Variants in NINL observed in about 807,000 individuals in gnomAD.
NINL encodes the protein ninein like, also known as ninein-like protein.
NINL carries 153 observed loss-of-function variants against 160.3 expected under a neutral mutation model. The ratio of observed to expected loss-of-function variants is 0.95; its 90% CI spans 0.84 to 1.09. The LOEUF (loss-of-function observed/expected upper bound fraction) is 1.09. NINL is among the 50% of genes least tolerant of loss of function. The pLI, the probability that NINL is intolerant of heterozygous loss-of-function variation, is 0.00. For synonymous variants in NINL, 800 were observed against 734.8 expected (o/e 1.09, Z -1.43); for missense variants, 1,829 against 1,764.0 (o/e 1.04, Z -0.66).
intron 1 of NINL, among the ~76,000 whole-genome samples, chr20:25,535,441 A>G (rs2147017216): frequency 6.6e-6 from 1 of 152,334 alleles, no homozygotes; most frequent in East Asian, 1.9e-4. Flanking sequence ...ATGTGAGGGG[A>G]CAGATATGTT....
chr20:25,461,371 G>A (rs935072489), intron 21 of NINL, 151 bp downstream of exon 21: 6 of 543,218 alleles, frequency 1.1e-5, no homozygotes, highest in South Asian at 5.3e-5. Flanking sequence ...GAGCAGCTTC[G>A]GTCCTGGCCC....
At chr20:25,470,129 T>A in intron 17 of NINL, 34 bp from the exon 18 acceptor site, 1 of 1,559,338 alleles carries the variant, frequency 6.4e-7, no homozygotes, top group Non-Finnish European at 8.8e-7. Context: ...CGGTGAGCAC[T>A]TGGGGAGCCA....
chr20:25,545,992 T>TA (rs1010323167), intron 1 of NINL, among the ~76,000 whole-genome samples: 31 of 151,456 alleles, frequency 2.0e-4, no homozygotes, highest in African/African-American at 3.1e-4. Flanking sequence ...GTTTTTATTT[T>TA]TTTTTTTGAG....
chr20:25,557,585 G>A (rs1306315823), intron 1 of NINL, among the ~76,000 whole-genome samples: 2 of 151,430 alleles, frequency 1.3e-5, no homozygotes, highest in African/African-American at 4.9e-5. Context: ...AAAGATAGAA[G>A]GACTTTTTAT....
At chr20:25,468,100 T>C (rs1210683815) in intron 18 of NINL, among the ~76,000 whole-genome samples, 1 of 152,126 alleles carries the variant, frequency 6.6e-6, no homozygotes, top group Non-Finnish European at 1.5e-5. Context: ...ACAATTGTCC[T>C]TGGATATGGC....
chr20:25,481,692 G>A, intron 14 of NINL: 2 of 467,872 alleles, frequency 4.3e-6, no homozygotes, highest in South Asian at 3.9e-5. Context: ...CCGTGTCACT[G>A]AAACAGCTCT....
chr20:25,554,277 AAGAC>A (rs1479656314), intron 1 of NINL, among the ~76,000 whole-genome samples: 1 of 152,206 alleles, frequency 6.6e-6, no homozygotes, highest in Non-Finnish European at 1.5e-5. Context: ...CCAAGGCCCA[AAGAC>A]AGACAGAAGG....
Position 25,489,976 on chromosome 20 carries a change from G to T in NINL, c.1495C>A (p.Arg499Ser), listed in dbSNP as rs777357154. Residue 499 changes from arginine (R) to serine (S), a missense_variant, in exon 12 of 24, where the codon CGC (arginine) becomes AGC (serine). Coordinates refer to ENST00000278886, the MANE Select transcript of NINL (RefSeq NM_025176.6). Reference protein sequence around the residue: ...KLTLALKENSRLQKEIVEVVE... With the variant: ...KLTLALKENSSLQKEIVEVVE... ...ACTTCCACAATCTCCTTCTGTAGGCGACTGTTTTCCTAGGAGACACAGGCC... is the reference window on the plus strand; with the variant it reads ...ACTTCCACAATCTCCTTCTGTAGGCTACTGTTTTCCTAGGAGACACAGGCC... 6.8e-6 allele frequency: 11 copies of T among 1,614,004 alleles called. No individual in the cohort carries two copies. The South Asian group carries it at 1.1e-4, about 16-fold the overall frequency.
chr20:25,513,206 G>C (rs1568932205), intron 3 of NINL, among the ~76,000 whole-genome samples, 200 bp from the exon 4 acceptor site: 1 of 152,232 alleles, frequency 6.6e-6, no homozygotes, highest in Non-Finnish European at 1.5e-5. Context: ...GTGGGAGACT[G>C]AGAAAGCAAG....
intron 1 of NINL, among the ~76,000 whole-genome samples, chr20:25,554,639 A>AACAAAACAAAACAAAAC (rs1568963309): frequency 2.7e-5 from 1 of 37,430 alleles, no homozygotes; most frequent in African/African-American, 8.2e-5. Context: ...AAAAAAACAA[A>AACAAAACAAAACAAAAC]AAAAAAAAAA....
At chr20:25,530,141 T>C (rs893419108) in intron 1 of NINL, among the ~76,000 whole-genome samples, 12 of 152,216 alleles carry the variant, frequency 7.9e-5, no homozygotes, top group Non-Finnish European at 1.6e-4. Flanking sequence ...AATAAGCCTG[T>C]CCCTTTATCC....
intron 5 of NINL, chr20:25,509,708 AT>A: frequency 2.2e-6 from 1 of 456,762 alleles, no homozygotes; most frequent in Non-Finnish European, 4.4e-6. Flanking sequence ...TGCAGGCATC[AT>A]GTAAGTCAGC....
chr20:25,506,931 A>AT (rs2063973750), intron 5 of NINL, among the ~76,000 whole-genome samples: 1 of 152,200 alleles, frequency 6.6e-6, no homozygotes. Flanking sequence ...CAATGCCACT[A>AT]TCATACCTAA....
intron 1 of NINL, among the ~76,000 whole-genome samples, chr20:25,540,440 A>G (rs568669583): frequency 2.2e-4 from 33 of 152,282 alleles, no homozygotes; most frequent in African/African-American, 7.9e-4. Flanking sequence ...GTTGGTTTGC[A>G]TTTAATTTAG....
At chr20:25,468,765 A>C (rs1601025542) in intron 18 of NINL, among the ~76,000 whole-genome samples, 1 of 93,124 alleles carries the variant, frequency 1.1e-5, no homozygotes, top group African/African-American at 4.3e-5. Flanking sequence ...CCCGACTCTC[A>C]CTGGTGGGCG....
chr20:25,455,230 G>A (rs1286473165), intron 23 of NINL, among the ~76,000 whole-genome samples: 1 of 152,152 alleles, frequency 6.6e-6, no homozygotes, highest in African/African-American at 2.4e-5. Context: ...CTTCAAAGTG[G>A]CCTTGACCAC....
intron 18 of NINL, among the ~76,000 whole-genome samples, chr20:25,469,551 A>G (rs2063039848): frequency 6.6e-6 from 1 of 151,466 alleles, no homozygotes; most frequent in Admixed American, 6.6e-5. Context: ...GTTCACTGAA[A>G]CTGATAAACC....
intron 7 of NINL, among the ~76,000 whole-genome samples, chr20:25,501,915 A>G (rs2063875359): frequency 6.6e-6 from 1 of 151,730 alleles, no homozygotes; most frequent in African/African-American, 2.4e-5. Flanking sequence ...AGGCATGAGC[A>G]CTGTGCCGGG....
intron 1 of NINL, among the ~76,000 whole-genome samples, chr20:25,572,814 G>A (rs1177113553): frequency 6.6e-6 from 1 of 152,166 alleles, no homozygotes; most frequent in African/African-American, 2.4e-5. Context: ...TGTCATGTAA[G>A]AATCTGTATT....
Sources: allele counts gnomAD v4.1 joint callset (sites outside exome capture counted in the v4.1 genomes callset), GRCh38; gene constraint gnomAD v4.1.1; transcripts MANE v1.5; gene names NCBI Gene and HGNC (gene_info 2026-07-23, HGNC 2026-07-21).